The following CYFIP2 variants were observed in gnomAD, a reference collection of about 807,000 sequenced individuals.
The protein encoded by CYFIP2 is cytoplasmic FMR1 interacting protein 2, also known as cytoplasmic FMR1-interacting protein 2.
CYFIP2 carries 29 observed loss-of-function variants against 158.7 expected under a neutral mutation model. The ratio of observed to expected loss-of-function variants is 0.18; its 90% CI spans 0.14 to 0.25. The LOEUF is 0.25. Ranked by LOEUF, CYFIP2 falls within the 10% of genes least tolerant of loss-of-function variation. The pLI is 1.00. For synonymous variants in CYFIP2, 585 were observed against 617.6 expected, an observed-to-expected ratio of 0.95 and a Z score of 0.78; for missense variants, 852 against 1,639.5, an observed-to-expected ratio of 0.52 and a Z score of 8.29.
chr5:157,305,217 G>T (rs1759115462), intron 8 of CYFIP2, among the ~76,000 whole-genome samples: 1 of 152,158 alleles, frequency 6.6e-6, no homozygotes, highest in African/African-American at 2.4e-5. Flanking sequence ...ATAAACATGT[G>T]TGCAAGTGTC....
At chr5:157,384,256 A>G (rs1470168501) in intron 28 of CYFIP2, 1 of 456,656 alleles carries the variant, frequency 2.2e-6, no homozygotes, top group South Asian at 1.5e-5. Context: ...AGGAAGAGAA[A>G]TAGGGGGAGA....
chr5:157,377,835 T>C (rs1197726262), intron 26 of CYFIP2, among the ~76,000 whole-genome samples: 2 of 152,168 alleles, frequency 1.3e-5, no homozygotes, highest in African/African-American at 4.8e-5. Context: ...TGCACATGGG[T>C]TGTCCCTCAA....
intron 1 of CYFIP2, among the ~76,000 whole-genome samples, chr5:157,282,348 G>T (rs1757053960): frequency 6.6e-6 from 1 of 152,142 alleles, no homozygotes; most frequent in Non-Finnish European, 1.5e-5. Flanking sequence ...CAGATCTCCT[G>T]TGAACTCAGA....
rs143685059 is a variant in CYFIP2 at position 157,379,919 on chromosome 5, C to G, written c.3040-2671C>G. 3.9e-5 allele frequency: 6 copies of G among 152,178 alleles called. No individual in the cohort carries two copies. In the East Asian group the frequency reaches 1.2e-3, roughly 29 times the overall value. The allele number at this position is 152,178 out of a possible 1,614,324, so 9.4% of individuals were successfully genotyped here. A position where few individuals can be genotyped will look rare whatever the true frequency, so the allele number is the denominator to read the frequency against. ...GAGTTTCATTATTACTCAAATCAGT[C>G]TCCTTGAGCATTCGGGAATCAGATA... On this transcript the variant is annotated intron_variant, in intron 26 of 30. Transcript: ENST00000620254.
At chr5:157,386,298 G>C (rs1458824097) in intron 28 of CYFIP2, among the ~76,000 whole-genome samples, 1 of 152,080 alleles carries the variant, frequency 6.6e-6, no homozygotes, top group Non-Finnish European at 1.5e-5. Flanking sequence ...GCTCACTGCA[G>C]CCTCAGCCTC....
rs962709374 is a variant in CYFIP2, at chr5:157,311,020, T to A, written c.993-644T>A. ...ACTTAGGATGGTTTTCCTAATGACA[T>A]CTTTTCACAAGGCGTGGAAAAAAGG... On this transcript the variant is annotated intron_variant, in intron 10 of 30. Transcript: ENST00000620254. The surrounding 1 kb of genome is among the most constrained non-coding windows in gnomAD (Gnocchi z 4.7). The A allele has an allele frequency of 3.7e-5, 17 of 453,614 alleles. No homozygotes were observed. Among genetic ancestry groups the A allele is most frequent in the Non-Finnish European group, 7.1e-5 (16 of 226,418 alleles). The allele number at this position is 453,614 out of a possible 1,614,324, so 28.1% of individuals were successfully genotyped here.
chr5:157,379,133 T>G (rs1388300701), intron 26 of CYFIP2, among the ~76,000 whole-genome samples: 1 of 152,184 alleles, frequency 6.6e-6, no homozygotes, highest in Non-Finnish European at 1.5e-5. Context: ...AGACAATACT[T>G]ACTGACTCCC....
Position 157,393,180 on chromosome 5 carries a change from C to A in CYFIP2, c.*180C>A, listed in dbSNP as rs545462126. On this transcript the variant is annotated 3_prime_UTR_variant, in exon 31 of 31. Coordinates refer to ENST00000620254, the MANE Select transcript of CYFIP2 (RefSeq NM_001037333.3). ...CTGTGCATGCTCTCCCATGACATCT[C>A]CATGCTGGTTTCTCCATAGCATAAA... The A allele has an allele frequency of 9.9e-6, 5 of 503,748 alleles. No homozygotes were observed. In the Admixed American group the frequency reaches 1.1e-4, roughly 11 times the overall value. The allele number at this position is 503,748 out of a possible 1,614,324, so 31.2% of individuals were successfully genotyped here.
chr5:157,312,317 T>C (rs1009620378), intron 11 of CYFIP2, among the ~76,000 whole-genome samples: 2 of 151,930 alleles, frequency 1.3e-5, no homozygotes, highest in Middle Eastern at 3.2e-3. Context: ...AATTTTTCCT[T>C]TTTTAAAAAC....
intron 28 of CYFIP2, among the ~76,000 whole-genome samples, chr5:157,386,937 A>C (rs1428444675): frequency 6.6e-6 from 1 of 151,946 alleles, no homozygotes; most frequent in Non-Finnish European, 1.5e-5. Flanking sequence ...TAAAAAAAAA[A>C]AAAAAAAAAA....
chr5:157,319,079 A>C (rs1760378717), intron 13 of CYFIP2, among the ~76,000 whole-genome samples: 1 of 152,162 alleles, frequency 6.6e-6, no homozygotes, highest in Non-Finnish European at 1.5e-5. Context: ...AGAAACCTAG[A>C]AGGGAGGCCA....
At chr5:157,332,106 A>G (rs572261397) in intron 20 of CYFIP2, among the ~76,000 whole-genome samples, 2 of 152,234 alleles carry the variant, frequency 1.3e-5, no homozygotes, top group Non-Finnish European at 2.9e-5. Flanking sequence ...GATGGCAGAA[A>G]GAACCCCAGG....
chr5:157,268,592 A>T (rs538324380), intron 1 of CYFIP2, among the ~76,000 whole-genome samples: 1 of 152,352 alleles, frequency 6.6e-6, no homozygotes, highest in South Asian at 2.1e-4. Flanking sequence ...AGATTGGACT[A>T]CACTCTCAAC....
chr5:157,314,187 ATGTGGCCTTCAGCAAGGCACTTGTC>A (rs1023146240), intron 11 of CYFIP2, among the ~76,000 whole-genome samples, 132 bp from the exon 12 acceptor site: 1 of 152,250 alleles, frequency 6.6e-6, no homozygotes, highest in African/African-American at 2.4e-5. Flanking sequence ...TTTATAAACC[ATGTGGCCTTCAGCAAGGCACTTGTC>A]TGAGCCTCAG....
intron 23 of CYFIP2, among the ~76,000 whole-genome samples, chr5:157,355,835 C>T (rs11952897): frequency 1.3e-5 from 2 of 151,976 alleles, no homozygotes; most frequent in African/African-American, 2.4e-5. Flanking sequence ...GCTGTCAGGG[C>T]AGTCCATGAG....
chr5:157,293,924 C>T (rs893683099), intron 3 of CYFIP2, among the ~76,000 whole-genome samples: 6 of 152,062 alleles, frequency 3.9e-5, no homozygotes, highest in Non-Finnish European at 7.4e-5. Context: ...AAACAGGCCT[C>T]ATGTGCTGAG....
intron 20 of CYFIP2, among the ~76,000 whole-genome samples, chr5:157,332,504 C>T (rs1433523486): frequency 1.3e-5 from 2 of 152,184 alleles, no homozygotes; most frequent in African/African-American, 4.8e-5. Context: ...CTTATAAAAA[C>T]AGAATAGAAT....
intron 26 of CYFIP2, among the ~76,000 whole-genome samples, chr5:157,371,326 C>T (rs1185933883): frequency 6.6e-6 from 1 of 152,210 alleles, no homozygotes; most frequent in Non-Finnish European, 1.5e-5. Flanking sequence ...CCTGGACCTC[C>T]CATTTCCAGC....
At chr5:157,301,319 A>G (rs1184205422) in intron 6 of CYFIP2, among the ~76,000 whole-genome samples, 2 of 152,228 alleles carry the variant, frequency 1.3e-5, no homozygotes, top group Non-Finnish European at 2.9e-5. Flanking sequence ...ACACCTGCAC[A>G]CAGGCATTCA....
Sources: allele counts gnomAD v4.1 joint callset (sites outside exome capture counted in the v4.1 genomes callset), GRCh38; gene constraint gnomAD v4.1.1; non-coding constraint Gnocchi (gnomAD v3.1); transcripts MANE v1.5; gene names NCBI Gene and HGNC (gene_info 2026-07-23, HGNC 2026-07-21).